AKAP13: variants seen among roughly 807,000 people sequenced by gnomAD.
The protein encoded by AKAP13 is A-kinase anchor protein 13.
A neutral mutation model predicts 264.5 loss-of-function variants in AKAP13; 80 were observed. That is an observed-to-expected ratio of 0.30 (90% CI 0.25 to 0.36). The LOEUF is 0.36. AKAP13 is among the 10% of genes least tolerant of loss of function. The pLI is 1.00. For synonymous variants in AKAP13, 1,380 were observed against 1,250.2 expected, an observed-to-expected ratio of 1.10 and a Z score of -2.19; for missense variants, 3,712 against 3,435.2, an observed-to-expected ratio of 1.08 and a Z score of -2.01.
At chr15:85,382,102 G>A (rs1303417140) in intron 1 of AKAP13, 1 of 152,174 alleles carries the variant, frequency 6.6e-6, no homozygotes, top group Non-Finnish European at 1.5e-5. Context: ...CTTATTATAT[G>A]AACATGATTC....
At position 85,718,213 on chromosome 15, in the gene AKAP13, T is replaced by C; in HGVS notation, c.6001+54T>C. ...ATTTGATTTCCATTGTCCAGCATTT[T>C]TAAGCAGTAATTTGTTGGACTATGA... On this transcript the variant is annotated intron_variant, in intron 22 of 36. Coordinates refer to ENST00000394518, the MANE Select transcript of AKAP13 (RefSeq NM_007200.5). The surrounding 1 kb of genome is among the most constrained non-coding windows in gnomAD (Gnocchi z 4.9). The C allele has an allele frequency of 6.3e-7, 1 of 1,588,954 alleles. No individual in the cohort carries two copies. The highest frequency in any genetic ancestry group is 8.6e-7 in the Non-Finnish European group (1 of 1,164,688).
chr15:85,425,948 A>G (rs138285778), intron 1 of AKAP13, among the ~76,000 whole-genome samples: 97 of 152,088 alleles, frequency 6.4e-4, no homozygotes, highest in African/African-American at 2.2e-3. Flanking sequence ...TATTTGTTTT[A>G]TGTGAAGAGA....
At chr15:85,442,886 G>A (rs1324806347) in intron 1 of AKAP13, among the ~76,000 whole-genome samples, 1 of 152,038 alleles carries the variant, frequency 6.6e-6, no homozygotes, top group African/African-American at 2.4e-5. Context: ...TCTATTGTGA[G>A]CTAGGCCTTG....
At chr15:85,657,012 A>G (rs1301229371) in intron 11 of AKAP13, among the ~76,000 whole-genome samples, 1 of 152,146 alleles carries the variant, frequency 6.6e-6, no homozygotes, top group African/African-American at 2.4e-5. Context: ...CGCGCATGGT[A>G]GTACATGCCT....
intron 1 of AKAP13, among the ~76,000 whole-genome samples, chr15:85,408,728 A>G (rs1028824579): frequency 3.3e-5 from 5 of 151,806 alleles, no homozygotes; most frequent in African/African-American, 9.7e-5. Context: ...TTCATCCACC[A>G]ATGGACACTA....
Position 85,718,243 on chromosome 15 carries a change from T to C in AKAP13, c.6001+84T>C. 1.3e-6 allele frequency: 2 copies of C among 1,534,682 alleles called. No homozygotes were observed. Among genetic ancestry groups the C allele is most frequent in the South Asian group, 2.4e-5 (2 of 82,622 alleles). On this transcript the variant is annotated intron_variant, in intron 22 of 36. Coordinates refer to ENST00000394518, the MANE Select transcript of AKAP13 (RefSeq NM_007200.5). The surrounding 1 kb of genome is among the most constrained non-coding windows in gnomAD (Gnocchi z 4.9). ...CAGTAATTTGTTGGACTATGAAAAA[T>C]CAGTTTTTTAGTATGTGGCTTCTTG...
At chr15:85,604,967 A>G (rs963009826) in intron 8 of AKAP13, among the ~76,000 whole-genome samples, 13 of 152,186 alleles carry the variant, frequency 8.5e-5, no homozygotes, top group African/African-American at 3.1e-4. Flanking sequence ...AGAGATGTTA[A>G]TAATCTATAG....
At chr15:85,709,447 A>G (rs1054322612) in intron 18 of AKAP13, among the ~76,000 whole-genome samples, 2 of 152,068 alleles carry the variant, frequency 1.3e-5, no homozygotes, top group African/African-American at 4.8e-5. Flanking sequence ...TGCCTCCTTT[A>G]GACAGGATAT....
chr15:85,603,114 A>C (rs746215691), intron 8 of AKAP13, among the ~76,000 whole-genome samples: 8 of 152,214 alleles, frequency 5.3e-5, no homozygotes, highest in Non-Finnish European at 1.0e-4. Flanking sequence ...CCAAGTTCTG[A>C]ATAACCATTA....
At chr15:85,625,975 T>C (rs954074036) in intron 8 of AKAP13, among the ~76,000 whole-genome samples, 1 of 152,246 alleles carries the variant, frequency 6.6e-6, no homozygotes, top group Non-Finnish European at 1.5e-5. Context: ...CAGCTTACTT[T>C]ATAGTAAGCA....
intron 3 of AKAP13, among the ~76,000 whole-genome samples, chr15:85,527,630 A>C (rs1033159224): frequency 8.5e-5 from 13 of 152,212 alleles, no homozygotes; most frequent in Admixed American, 7.9e-4. Context: ...TCATGGTGAA[A>C]TTCCTGTGCC....
At chr15:85,508,160 T>C (rs1387619421) in intron 2 of AKAP13, among the ~76,000 whole-genome samples, 3 of 151,416 alleles carry the variant, frequency 2.0e-5, no homozygotes, top group Non-Finnish European at 4.4e-5. Flanking sequence ...TTTTTTTTTT[T>C]GAGATAGGGT....
chr15:85,451,026 T>C (rs1205421308), intron 1 of AKAP13, among the ~76,000 whole-genome samples: 1 of 152,202 alleles, frequency 6.6e-6, no homozygotes, highest in Non-Finnish European at 1.5e-5. Flanking sequence ...GCTTTATGAC[T>C]CTGGGTGCTC....
chr15:85,584,227 G>A (rs1237632605), intron 7 of AKAP13, among the ~76,000 whole-genome samples: 1 of 152,186 alleles, frequency 6.6e-6, no homozygotes, highest in African/African-American at 2.4e-5. Context: ...AAGGGGATGT[G>A]GCCCTTGACC....
At chr15:85,730,407 G>T (rs146984499) in intron 29 of AKAP13, 106 bp from the exon 30 acceptor site, 1 of 1,211,062 alleles carries the variant, frequency 8.3e-7, no homozygotes, top group East Asian at 2.3e-5. Context: ...AGGGTGTCCT[G>T]TCTTGTCACT....
chr15:85,670,083 A>C (rs1441363299), intron 14 of AKAP13, among the ~76,000 whole-genome samples: 1 of 152,212 alleles, frequency 6.6e-6, no homozygotes, highest in African/African-American at 2.4e-5. Flanking sequence ...CACTTTTTAA[A>C]ATTTTTTTAT....
intron 2 of AKAP13, among the ~76,000 whole-genome samples, chr15:85,506,036 A>G (rs1311099474): frequency 3.9e-5 from 6 of 152,194 alleles, no homozygotes; most frequent in Non-Finnish European, 8.8e-5. Context: ...GCTCATGCCT[A>G]TAATCCCAGG....
At chr15:85,688,031 T>A (rs1310874720) in intron 16 of AKAP13, among the ~76,000 whole-genome samples, 13 of 138,330 alleles carry the variant, frequency 9.4e-5, no homozygotes, top group Admixed American at 2.2e-4. Flanking sequence ...CCCTGTCTCT[T>A]AAAAAAAAAA....
chr15:85,578,155 C>T (rs910260495), intron 6 of AKAP13, among the ~76,000 whole-genome samples: 2 of 152,112 alleles, frequency 1.3e-5, no homozygotes, highest in Non-Finnish European at 2.9e-5. Context: ...CAATGGTGCA[C>T]ACCTGTAGTC....
Sources: gnomAD v4.1 joint callset for allele counts (sites outside exome capture counted in the v4.1 genomes callset) on GRCh38, gnomAD v4.1.1 for gene constraint, Gnocchi (gnomAD v3.1) non-coding constraint, MANE v1.5 for transcripts, NCBI Gene and HGNC (gene_info 2026-07-23, HGNC 2026-07-21) for gene names.